Variants in PTGFRN observed in about 807,000 individuals in gnomAD.
PTGFRN encodes the protein prostaglandin F2 receptor inhibitor.
In PTGFRN, 35 loss-of-function variants were observed where a neutral mutation model predicts 83.2. That is an observed-to-expected ratio of 0.42 (90% CI 0.32 to 0.56). The LOEUF is 0.56. PTGFRN is among the 20% of genes least tolerant of loss of function. PTGFRN has a pLI of 0.11. For missense variants in PTGFRN, 1,051 were observed against 1,179.5 expected (o/e 0.89, Z 1.60); for synonymous variants, 519 against 498.6 (o/e 1.04, Z -0.55).
intron 1 of PTGFRN, among the ~76,000 whole-genome samples, chr1:116,917,353 A>G (rs1292143966): frequency 6.6e-6 from 1 of 152,174 alleles, no homozygotes; most frequent in Non-Finnish European, 1.5e-5. Context: ...GCCAGCTGGG[A>G]GACTCTGGTG....
At chr1:116,981,872 A>C (rs907634913) in intron 7 of PTGFRN, among the ~76,000 whole-genome samples, 2 of 152,206 alleles carry the variant, frequency 1.3e-5, no homozygotes, top group African/African-American at 4.8e-5. Flanking sequence ...GATTGAACCA[A>C]AATTGGCTCC....
intron 5 of PTGFRN, among the ~76,000 whole-genome samples, chr1:116,964,349 A>G (rs1650765794): frequency 6.6e-6 from 1 of 152,140 alleles, no homozygotes; most frequent in Non-Finnish European, 1.5e-5. Context: ...AATTTAACGC[A>G]GGTGATTCCC....
intron 1 of PTGFRN, among the ~76,000 whole-genome samples, chr1:116,914,578 C>T (rs1007227541): frequency 1.2e-4 from 19 of 152,068 alleles, no homozygotes; most frequent in African/African-American, 3.9e-4. Context: ...TAGTGAGACC[C>T]CCATCTCTAC....
At chr1:116,977,006 T>C (rs542684806) in intron 7 of PTGFRN, among the ~76,000 whole-genome samples, 7 of 151,532 alleles carry the variant, frequency 4.6e-5, no homozygotes, top group South Asian at 4.2e-4. Context: ...ACACATAGGC[T>C]CAAAATAAAG....
chr1:116,950,764 T>C (rs1053117009), intron 4 of PTGFRN, among the ~76,000 whole-genome samples: 1 of 152,052 alleles, frequency 6.6e-6, no homozygotes. Flanking sequence ...CCGATTCCGA[T>C]GGAGACGAGG....
In PTGFRN at chr1:116,989,755, A is replaced by C. The variant is rs150222246; in HGVS notation, c.*2788A>C. 1 of 152,616 alleles carries C rather than the reference A, an allele frequency of 6.6e-6. No individual in the cohort carries two copies. Among genetic ancestry groups the C allele is most frequent in the South Asian group, 2.1e-4 (1 of 4,830 alleles). 9.5% of individuals were successfully genotyped at this position (152,616 alleles called of 1,614,324 possible). On this transcript the variant is annotated 3_prime_UTR_variant, in exon 9 of 9. Coordinates refer to ENST00000393203, the MANE Select transcript of PTGFRN (RefSeq NM_020440.4). ...TTTTTAACAACTGTTGAGATGTTTCATGGGACAGTAGAACTCTGACTCACC... is the reference window on the plus strand; with the variant it reads ...TTTTTAACAACTGTTGAGATGTTTCCTGGGACAGTAGAACTCTGACTCACC...
chr1:116,920,951 C>T (rs1649521661), intron 1 of PTGFRN, among the ~76,000 whole-genome samples: 1 of 152,192 alleles, frequency 6.6e-6, no homozygotes, highest in African/African-American at 2.4e-5. Flanking sequence ...ACATCTCCAA[C>T]CAATAGACTC....
chr1:116,967,188 C>T lies in PTGFRN; in HGVS notation c.1917C>T (p.Arg639=). The T allele has an allele frequency of 6.2e-7, 1 of 1,614,184 alleles. No individual in the cohort carries two copies. The highest frequency in any genetic ancestry group is 1.6e-4 in the Middle Eastern group (1 of 6,062). ...AAAAAGTGCAGGAGGATGAGTTCCG[C>T]TATCGAATGTACCAGACTCAGGTCT... The part of the protein sequence containing the change: ...VLEKVQEDEF[R]YRMYQTQVSD... The change falls in exon 6 of 9, where the codon CGC becomes CGT. Residue 639 remains arginine, a synonymous_variant. Transcript: ENST00000393203.
chr1:116,914,321 A>G (rs1413409505), intron 1 of PTGFRN, among the ~76,000 whole-genome samples: 10 of 152,184 alleles, frequency 6.6e-5, no homozygotes, highest in Non-Finnish European at 1.5e-4. Flanking sequence ...TCTATTGGAG[A>G]GACTTTGGGC....
intron 1 of PTGFRN, among the ~76,000 whole-genome samples, chr1:116,937,934 G>C (rs541362478): frequency 3.3e-5 from 5 of 152,052 alleles, no homozygotes; most frequent in African/African-American, 9.7e-5. Context: ...TGGTGACCAC[G>C]GTCTCCATTT....
Position 116,961,739 on chromosome 1 carries a change from A to G in PTGFRN, c.1639+71A>G, listed in dbSNP as rs778991977. On this transcript the variant is annotated intron_variant, in intron 5 of 8. Coordinates refer to ENST00000393203, the MANE Select transcript of PTGFRN (RefSeq NM_020440.4). The surrounding 1 kb of genome is among the most constrained non-coding windows in gnomAD (Gnocchi z 5.4). Reference sequence around the variant, plus strand: ...AAGTCGTGCCGCTGTGTGTTGATGCACAGTCACCCTCTGCAGGTTATCACT... The same window carrying G: ...AAGTCGTGCCGCTGTGTGTTGATGCGCAGTCACCCTCTGCAGGTTATCACT... 129 of 1,400,522 alleles carry G rather than the reference A, an allele frequency of 9.2e-5. No homozygotes were observed. The highest frequency in any genetic ancestry group is 1.9e-4 in the African/African-American group (13 of 69,236). The allele number at this position is 1,400,522 out of a possible 1,614,324, so 86.8% of individuals were successfully genotyped here. A position where few individuals can be genotyped will look rare whatever the true frequency, so the allele number is the denominator to read the frequency against.
At chr1:116,949,753 G>A (rs1170629025) in intron 4 of PTGFRN, among the ~76,000 whole-genome samples, 181 bp downstream of exon 4, 1 of 152,214 alleles carries the variant, frequency 6.6e-6, no homozygotes, top group Admixed American at 6.5e-5. Flanking sequence ...TGGCAGACAA[G>A]GGAAATGTTT....
rs542142304 is a variant in PTGFRN at position 116,985,494 on chromosome 1, C to T, written c.2473+509C>T. On this transcript the variant is annotated intron_variant, in intron 8 of 8. Transcript: ENST00000393203. ...CGGGCGGATCATGAGGTCAGGAGTT[C>T]GAGACCTGCCTGGCCAACATAGTGA... Among the ~76,000 whole-genome samples, 10 of 151,926 alleles carry T rather than the reference C, an allele frequency of 6.6e-5. No individual in the cohort carries two copies. In the East Asian group the frequency reaches 1.6e-3, roughly 24 times the overall value.
chr1:116,955,269 C>T (rs961960244), intron 4 of PTGFRN, among the ~76,000 whole-genome samples: 3 of 152,188 alleles, frequency 2.0e-5, no homozygotes, highest in East Asian at 3.8e-4. Flanking sequence ...CTTCTCAGAA[C>T]GTTAGTGATG....
At chr1:116,965,224 A>T (rs893428605) in intron 5 of PTGFRN, among the ~76,000 whole-genome samples, 1 of 152,126 alleles carries the variant, frequency 6.6e-6, no homozygotes, top group Non-Finnish European at 1.5e-5. Context: ...GCTCTTCCCA[A>T]GATAGATAGG....
chr1:116,917,362 TG>T (rs1423937084), intron 1 of PTGFRN, among the ~76,000 whole-genome samples: 1 of 151,840 alleles, frequency 6.6e-6, no homozygotes, highest in Non-Finnish European at 1.5e-5. Flanking sequence ...GAGACTCTGG[TG>T]GCAAAGGACA....
intron 4 of PTGFRN, among the ~76,000 whole-genome samples, chr1:116,959,823 A>G (rs1336466223): frequency 6.6e-6 from 1 of 152,106 alleles, no homozygotes; most frequent in East Asian, 1.9e-4. Flanking sequence ...AAAAAATGCA[A>G]AAATGAGCTG....
intron 2 of PTGFRN, 145 bp from the exon 3 acceptor site, chr1:116,944,534 A>T (rs950524692): frequency 6.4e-6 from 5 of 781,978 alleles, no homozygotes; most frequent in Non-Finnish European, 8.8e-6. Flanking sequence ...GAGATTACAG[A>T]TGAATCCAGT....
At chr1:116,965,383 C>G (rs915697659) in intron 5 of PTGFRN, among the ~76,000 whole-genome samples, 3 of 152,190 alleles carry the variant, frequency 2.0e-5, no homozygotes, top group African/African-American at 7.2e-5. Flanking sequence ...GTTGTCGCCT[C>G]AAACTCCTGG....
Sources: gnomAD v4.1 joint callset for allele counts (sites outside exome capture counted in the v4.1 genomes callset) on GRCh38, gnomAD v4.1.1 for gene constraint, Gnocchi (gnomAD v3.1) non-coding constraint, MANE v1.5 for transcripts, NCBI Gene and HGNC (gene_info 2026-07-23, HGNC 2026-07-21) for gene names.